The following NEGR1 variants were observed in gnomAD, a reference collection of about 807,000 sequenced individuals.
The protein encoded by NEGR1 is IgLON family member 4.
In NEGR1, 10 loss-of-function variants were observed where a neutral mutation model predicts 40.9. The ratio of observed to expected loss-of-function variants is 0.24; its 90% CI spans 0.15 to 0.42. The LOEUF is 0.42. Among genes scored for constraint, NEGR1 ranks in the 10% least tolerant of loss-of-function variants. The pLI is 1.00. For missense variants in NEGR1, 352 were observed against 438.9 expected, an observed-to-expected ratio of 0.80 and a Z score of 1.77; for synonymous variants, 185 against 166.8, an observed-to-expected ratio of 1.11 and a Z score of -0.84.
chr1:72,257,339 A>AT (rs1655307601), intron 1 of NEGR1, among the ~76,000 whole-genome samples: 1 of 151,258 alleles, frequency 6.6e-6, no homozygotes, highest in East Asian at 1.9e-4. Flanking sequence ...AAAAAAAAAA[A>AT]AAAAAGAATA....
chr1:71,751,646 T>G (rs1275320272), intron 3 of NEGR1, among the ~76,000 whole-genome samples: 1 of 152,152 alleles, frequency 6.6e-6, no homozygotes, highest in Non-Finnish European at 1.5e-5. Flanking sequence ...CCAGAGCTGC[T>G]TCTGTGGCTG....
chr1:71,943,065 T>C (rs1481481169), intron 1 of NEGR1, among the ~76,000 whole-genome samples: 2 of 117,192 alleles, frequency 1.7e-5, no homozygotes, highest in African/African-American at 6.2e-5. Context: ...TATGTGTGTG[T>C]ATATATATGT....
chr1:71,726,773 C>A (rs1654690291), intron 3 of NEGR1, among the ~76,000 whole-genome samples: 1 of 151,996 alleles, frequency 6.6e-6, no homozygotes, highest in Non-Finnish European at 1.5e-5. Flanking sequence ...AGGATGAAGT[C>A]CCCATCCCAT....
At chr1:72,040,830 C>G (rs1415996490) in intron 1 of NEGR1, among the ~76,000 whole-genome samples, 1 of 151,588 alleles carries the variant, frequency 6.6e-6, no homozygotes, top group African/African-American at 2.4e-5. Context: ...AAATTAAATC[C>G]AATTCAAATA....
intron 1 of NEGR1, among the ~76,000 whole-genome samples, chr1:72,264,927 T>G (rs1655591580): frequency 6.6e-6 from 1 of 150,774 alleles, no homozygotes; most frequent in Non-Finnish European, 1.5e-5. Context: ...ATTTTATTTA[T>G]GTCATTTTGA....
chr1:72,143,278 A>T (rs1322273446), intron 1 of NEGR1, among the ~76,000 whole-genome samples: 1 of 151,940 alleles, frequency 6.6e-6, no homozygotes, highest in Non-Finnish European at 1.5e-5. Context: ...ATTTTTACTA[A>T]GTCCGAACCC....
At chr1:72,000,100 T>A (rs570215982) in intron 1 of NEGR1, among the ~76,000 whole-genome samples, 36 of 151,978 alleles carry the variant, frequency 2.4e-4, no homozygotes, top group Non-Finnish European at 4.3e-4. Context: ...ATCCTATACT[T>A]TTAAATCTCC....
chr1:72,035,313 CG>C, intron 1 of NEGR1, among the ~76,000 whole-genome samples: 1 of 152,234 alleles, frequency 6.6e-6, no homozygotes, highest in Non-Finnish European at 1.5e-5. Flanking sequence ...CCTGTGTGTC[CG>C]TGTCCTGAAT....
chr1:72,022,602 TAAA>T (rs1034358605), intron 1 of NEGR1, among the ~76,000 whole-genome samples: 1 of 151,256 alleles, frequency 6.6e-6, no homozygotes, highest in African/African-American at 2.4e-5. Context: ...GGACATAAAC[TAAA>T]AGGCTACAAT....
At chr1:72,022,953 A>G (rs1646774202) in intron 1 of NEGR1, among the ~76,000 whole-genome samples, 1 of 152,350 alleles carries the variant, frequency 6.6e-6, no homozygotes, top group Admixed American at 6.5e-5. Context: ...TAGTAAGAAT[A>G]AAATATCACA....
At chr1:71,702,378 T>C (rs1393597093) in intron 3 of NEGR1, among the ~76,000 whole-genome samples, 1 of 152,034 alleles carries the variant, frequency 6.6e-6, no homozygotes, top group Non-Finnish European at 1.5e-5. Flanking sequence ...TATGCTGTCA[T>C]AATATCACTG....
intron 4 of NEGR1, among the ~76,000 whole-genome samples, chr1:71,680,443 C>T (rs993838838): frequency 3.3e-5 from 5 of 152,152 alleles, no homozygotes; most frequent in South Asian, 4.1e-4. Context: ...CTCTGCAGCA[C>T]GTAGAATTCT....
At chr1:71,801,191 C>A (rs950392044) in intron 2 of NEGR1, among the ~76,000 whole-genome samples, 1 of 152,152 alleles carries the variant, frequency 6.6e-6, no homozygotes, top group African/African-American at 2.4e-5. Context: ...TTCTACTAAC[C>A]TTTACTGGCC....
intron 2 of NEGR1, among the ~76,000 whole-genome samples, chr1:71,898,703 A>G (rs1661041440): frequency 6.6e-6 from 1 of 151,598 alleles, no homozygotes; most frequent in African/African-American, 2.4e-5. Flanking sequence ...TTGGACGTTC[A>G]AAACATATCT....
At chr1:71,960,965 T>A (rs1646161087) in intron 1 of NEGR1, among the ~76,000 whole-genome samples, 1 of 152,192 alleles carries the variant, frequency 6.6e-6, no homozygotes, top group South Asian at 2.1e-4. Context: ...TTTAGTATAA[T>A]ATTAACTCTA....
intron 1 of NEGR1, among the ~76,000 whole-genome samples, chr1:71,992,426 G>A (rs1646462082): frequency 6.6e-6 from 1 of 151,966 alleles, no homozygotes; most frequent in Non-Finnish European, 1.5e-5. Flanking sequence ...GCACTACCCA[G>A]TTGAAATAGA....
At chr1:71,815,766 C>G (rs1260242721) in intron 2 of NEGR1, among the ~76,000 whole-genome samples, 1 of 151,970 alleles carries the variant, frequency 6.6e-6, no homozygotes, top group Non-Finnish European at 1.5e-5. Flanking sequence ...ACAGAGGAAA[C>G]AATTCTTTAG....
At chr1:72,168,814 C>A (rs1240084351) in intron 1 of NEGR1, among the ~76,000 whole-genome samples, 1 of 152,108 alleles carries the variant, frequency 6.6e-6, no homozygotes, top group Non-Finnish European at 1.5e-5. Context: ...GTGGGAGGAT[C>A]ACTTGAGTTC....
At chr1:71,864,457 G>A (rs758166982) in intron 2 of NEGR1, among the ~76,000 whole-genome samples, 19 of 152,228 alleles carry the variant, frequency 1.2e-4, no homozygotes, top group Middle Eastern at 3.4e-3. Flanking sequence ...AAGGTCATCA[G>A]AGAAAAACAA....
Sources: allele counts gnomAD v4.1 joint callset (sites outside exome capture counted in the v4.1 genomes callset), GRCh38; gene constraint gnomAD v4.1.1; transcripts MANE v1.5; gene names NCBI Gene and HGNC (gene_info 2026-07-23, HGNC 2026-07-21).